IMPG1: variants seen among roughly 807,000 people sequenced by gnomAD.
The protein encoded by IMPG1 is interphotoreceptor matrix proteoglycan of 150 kDa.
In IMPG1, 85 loss-of-function variants were observed where a neutral mutation model predicts 92.0. The ratio of observed to expected loss-of-function variants is 0.92; its 90% CI spans 0.78 to 1.11. The LOEUF (loss-of-function observed/expected upper bound fraction) is 1.11, where lower values mean the gene tolerates loss of function less well. Among genes scored for constraint, IMPG1 ranks in the 50% least tolerant of loss-of-function variants. The pLI is 0.00. For synonymous variants in IMPG1, 367 were observed against 334.1 expected (o/e 1.10, Z -1.08); for missense variants, 1,022 against 956.0 (o/e 1.07, Z -0.91).
intron 12 of IMPG1, among the ~76,000 whole-genome samples, chr6:75,974,703 A>G (rs1782507162): frequency 6.6e-6 from 1 of 151,790 alleles, no homozygotes. Flanking sequence ...TTTAGTAGAG[A>G]TGGGGTTTCA....
At chr6:76,005,025 G>A (rs557316836) in intron 10 of IMPG1, among the ~76,000 whole-genome samples, 9 of 152,278 alleles carry the variant, frequency 5.9e-5, no homozygotes, top group South Asian at 2.1e-4. Flanking sequence ...CTCTGCCTTC[G>A]TTCTCCGCAG....
chr6:76,057,969 A>AAAAATAAAAT (rs142036504), intron 1 of IMPG1, among the ~76,000 whole-genome samples: 1 of 150,662 alleles, frequency 6.6e-6, no homozygotes, highest in African/African-American at 2.4e-5. Flanking sequence ...GTGCTTCAGT[A>AAAAATAAAAT]AAAATAAAAT....
chr6:75,964,400 T>TG lies in IMPG1; in HGVS notation c.1292-13307dup, dbSNP rs776629155. On this transcript the variant is annotated intron_variant, in intron 12 of 16. Transcript: ENST00000369950. ...TTATCTCCATAAAGAAAAAATAGGC[T>TG]GGGCACAGTGGCTCACGCCTGTAAT... is the stretch of plus-strand genomic sequence containing the variant. Among the ~76,000 whole-genome samples the TG allele has an allele frequency of 2.0e-5, 3 of 152,238 alleles. No individual in the cohort carries two copies. The South Asian group carries it at 6.2e-4, about 32-fold the overall frequency.
Position 76,050,596 on chromosome 6 carries a change from C to T in IMPG1, c.68-8470G>A, listed in dbSNP as rs1322244505. Reference sequence around the variant, plus strand: ...TCCCTGAAGACATAGGCCACATCATCTCCTTGTCATATCACTGAAGAGCTT... The same window carrying T: ...TCCCTGAAGACATAGGCCACATCATTTCCTTGTCATATCACTGAAGAGCTT... On this transcript the variant is annotated intron_variant, in intron 1 of 16. Coordinates refer to ENST00000369950, the MANE Select transcript of IMPG1 (RefSeq NM_001563.4). Among the ~76,000 whole-genome samples, 3 of 152,196 alleles carry T rather than the reference C, an allele frequency of 2.0e-5. 1 individual carries two copies. Among genetic ancestry groups the T allele is most frequent in the Admixed American group, 2.0e-4 (3 of 15,274 alleles).
chr6:75,924,427 AATT>A (rs1418147440), intron 15 of IMPG1, among the ~76,000 whole-genome samples: 2 of 115,722 alleles, frequency 1.7e-5, no homozygotes, highest in Admixed American at 2.7e-4. Context: ...TATAATATAT[AATT>A]AATATAATTA....
At chr6:76,040,456 C>G (rs1026292053) in intron 2 of IMPG1, among the ~76,000 whole-genome samples, 3 of 152,190 alleles carry the variant, frequency 2.0e-5, no homozygotes, top group Non-Finnish European at 4.4e-5. Context: ...ATTATCTGAT[C>G]AATGTGTAGG....
rs373862217 is a variant in IMPG1, at chr6:75,924,636, T to C, written c.2244-930A>G. ...ATATAATATATAATAAATTATATATTATATATAATTAATTATATATAATAT... is the reference window on the plus strand; with the variant it reads ...ATATAATATATAATAAATTATATATCATATATAATTAATTATATATAATAT... On this transcript the variant is annotated intron_variant, in intron 15 of 16. Transcript: ENST00000369950. Among the ~76,000 whole-genome samples the C allele has an allele frequency of 6.8e-3, 131 of 19,366 alleles. 11 individuals carry two copies. Among genetic ancestry groups the C allele is most frequent in the African/African-American group, 0.027 (126 of 4,626 alleles). The allele number at this position is 19,366 out of a possible 152,430, so 12.7% of individuals were successfully genotyped here.
At chr6:75,985,254 A>C (rs1477822938) in intron 12 of IMPG1, among the ~76,000 whole-genome samples, 1 of 152,230 alleles carries the variant, frequency 6.6e-6, no homozygotes. Context: ...ATATGGATCA[A>C]CTAAGGAAGG....
intron 1 of IMPG1, among the ~76,000 whole-genome samples, chr6:76,068,112 C>A (rs879841661): frequency 6.6e-6 from 1 of 152,080 alleles, no homozygotes; most frequent in Non-Finnish European, 1.5e-5. Context: ...GAAAGCATAC[C>A]CCTAAGAACT....
intron 6 of IMPG1, among the ~76,000 whole-genome samples, 184 bp downstream of exon 6, chr6:76,021,932 C>T (rs1467036403): frequency 6.6e-6 from 1 of 150,884 alleles, no homozygotes; most frequent in Non-Finnish European, 1.5e-5. Flanking sequence ...TCTATGCTTC[C>T]CCCCTCAGTA....
chr6:75,988,017 A>G (rs150247247), intron 12 of IMPG1, among the ~76,000 whole-genome samples: 9,473 of 152,198 alleles, frequency 0.062, 395 homozygotes, highest in South Asian at 0.11. Flanking sequence ...AATCCAGTCT[A>G]TCATTGATGG....
At chr6:76,034,863 G>A in intron 2 of IMPG1, 76 bp from the exon 3 acceptor site, 2 of 1,256,168 alleles carry the variant, frequency 1.6e-6, no homozygotes, top group South Asian at 1.5e-5. Context: ...CTAATAACAT[G>A]GAAAATTATT....
At chr6:75,998,213 A>G (rs1782932281) in intron 12 of IMPG1, among the ~76,000 whole-genome samples, 1 of 152,230 alleles carries the variant, frequency 6.6e-6, no homozygotes, top group Non-Finnish European at 1.5e-5. Flanking sequence ...TTATTCCAAT[A>G]AAGTCTGACT....
intron 12 of IMPG1, among the ~76,000 whole-genome samples, chr6:75,997,078 T>C (rs1490781217): frequency 6.6e-6 from 1 of 152,164 alleles, no homozygotes; most frequent in East Asian, 1.9e-4. Context: ...AGTACCAAAT[T>C]TGAGAGTTGA....
intron 1 of IMPG1, among the ~76,000 whole-genome samples, chr6:76,069,353 C>G (rs1373419714): frequency 6.6e-6 from 1 of 152,020 alleles, no homozygotes; most frequent in Non-Finnish European, 1.5e-5. Context: ...GCAAATGTAA[C>G]AAAACCAAAA....
intron 1 of IMPG1, among the ~76,000 whole-genome samples, chr6:76,047,340 C>T (rs1783962584): frequency 6.6e-6 from 1 of 152,166 alleles, no homozygotes. Context: ...TTTCTCAGAT[C>T]CCACATTCAG....
chr6:76,039,510 C>G (rs1265614691), intron 2 of IMPG1, among the ~76,000 whole-genome samples: 3 of 152,152 alleles, frequency 2.0e-5, no homozygotes, highest in Non-Finnish European at 4.4e-5. Context: ...CGTGCGCCAC[C>G]ATGCCCAGCT....
chr6:75,959,392 T>G (rs1450032947), intron 12 of IMPG1, among the ~76,000 whole-genome samples: 1 of 152,200 alleles, frequency 6.6e-6, no homozygotes, highest in East Asian at 1.9e-4. Context: ...AGAGCTCAAG[T>G]GCTGTACTGG....
chr6:75,960,617 G>A (rs901321522), intron 12 of IMPG1, among the ~76,000 whole-genome samples: 2 of 152,082 alleles, frequency 1.3e-5, no homozygotes, highest in Non-Finnish European at 2.9e-5. Flanking sequence ...AAGCTTCTAA[G>A]GTTATAGTCA....
Sources: allele counts gnomAD v4.1 joint callset (sites outside exome capture counted in the v4.1 genomes callset), GRCh38; gene constraint gnomAD v4.1.1; transcripts MANE v1.5; gene names NCBI Gene and HGNC (gene_info 2026-07-23, HGNC 2026-07-21).